The following ZNF763 variants were observed in gnomAD, a reference collection of about 807,000 sequenced individuals.
ZNF763 encodes DNA-binding protein.
ZNF763 carries 33 observed loss-of-function variants against 38.0 expected under a neutral mutation model. The observed-to-expected ratio is 0.87, with a 90% confidence interval of 0.66 to 1.16. ZNF763 has a LOEUF of 1.16. Ranked by LOEUF, ZNF763 falls within the 50% of genes most tolerant of loss-of-function variation. The pLI is 0.00. For missense variants in ZNF763, 423 were observed against 469.1 expected (o/e 0.90, Z 0.91); for synonymous variants, 155 against 160.1 (o/e 0.97, Z 0.24).
Position 11,979,084 on chromosome 19 carries a change from A to C in ZNF763, c.1160A>C (p.Asn387Thr). 6.2e-7 allele frequency: 1 copy of C among 1,614,120 alleles called. No homozygotes were observed. ...TATAAGTTTTCAAACACACCTAAGAATGCGCTCTGGAGAAAGACCTTATAA... is the reference window on the plus strand; with the variant it reads ...TATAAGTTTTCAAACACACCTAAGACTGCGCTCTGGAGAAAGACCTTATAA... ...LSYKFSNTPK[N>T]ALWRKTL The change falls in exon 4 of 4, where the codon AAT becomes ACT. Residue 387 changes from asparagine (N) to threonine (T), a missense_variant. Physicochemically the swap from Asn to Thr is moderately conservative, Grantham distance 65. Coordinates refer to ENST00000358987, the MANE Select transcript of ZNF763 (RefSeq NM_001367172.2).
At position 11,980,136 on chromosome 19, in the gene ZNF763, G is replaced by T. The variant is rs894067761; in HGVS notation, c.*1027G>T. 3.8e-6 allele frequency: 3 copies of T among 791,544 alleles called. No individual in the cohort carries two copies. The highest frequency in any genetic ancestry group is 3.5e-5 in the African/African-American group (2 of 56,762). 49.0% of individuals were successfully genotyped at this position (791,544 alleles called of 1,614,324 possible). On this transcript the variant is annotated 3_prime_UTR_variant, in exon 4 of 4. Transcript: ENST00000358987. ...CGAAAACATGGTAGGACTCACACTG[G>T]ATAGAAACCAAAGCAGGTGAATCAC... is the stretch of plus-strand genomic sequence containing the variant.
At chr19:11,966,101 C>T (rs939531575) in intron 1 of ZNF763, among the ~76,000 whole-genome samples, 1 of 152,166 alleles carries the variant, frequency 6.6e-6, no homozygotes, top group Admixed American at 6.5e-5. Context: ...TTATGAATTC[C>T]AAGGCATGAC....
chr19:11,977,519 T>A, intron 3 of ZNF763, 88 bp downstream of exon 3: 2 of 1,473,194 alleles, frequency 1.4e-6, no homozygotes, highest in Non-Finnish European at 1.9e-6. Context: ...AAGAACTAAG[T>A]CCAGTATCAA....
At chr19:11,966,840 C>G (rs940433739) in intron 1 of ZNF763, among the ~76,000 whole-genome samples, 1 of 152,062 alleles carries the variant, frequency 6.6e-6, no homozygotes, top group African/African-American at 2.4e-5. Flanking sequence ...AGAGTTTATT[C>G]AAGCAGAAAG....
Position 11,966,161 on chromosome 19 carries a change from C to G in ZNF763, c.3+950C>G, listed in dbSNP as rs7255950. Among the ~76,000 whole-genome samples, 268 of 152,256 alleles carry G rather than the reference C, an allele frequency of 1.8e-3. 2 individuals are homozygous for G. The highest frequency in any genetic ancestry group is 5.8e-3 in the African/African-American group (242 of 41,544). On this transcript the variant is annotated intron_variant, in intron 1 of 3. Coordinates refer to ENST00000358987, the MANE Select transcript of ZNF763 (RefSeq NM_001367172.2). Reference sequence around the variant, plus strand: ...GGTCTTGTTTGTAATTTGGTATCTTCTTGCCACAAGGAGTCTGTTTTTCCA... The same window carrying G: ...GGTCTTGTTTGTAATTTGGTATCTTGTTGCCACAAGGAGTCTGTTTTTCCA...
intron 1 of ZNF763, among the ~76,000 whole-genome samples, chr19:11,973,245 T>G (rs1973386982): frequency 6.6e-6 from 1 of 152,196 alleles, no homozygotes; most frequent in Admixed American, 6.5e-5. Context: ...TGATGTTCCT[T>G]CCTCTAGAGT....
Position 11,979,031 on chromosome 19 carries a change from AT to A in ZNF763, c.1108del (p.Cys370ValfsTer28). ...CCCACTCTGCGAAAAAACCTTATGA[AT>A]GTAAGCAGTGTGGGAAAGCATTATC... The part of the protein sequence containing the change: ...RTHSAKKPYE[C>X]KQCGKALSYK... On this transcript the variant is annotated frameshift_variant, in exon 4 of 4. Coordinates refer to ENST00000358987, the MANE Select transcript of ZNF763 (RefSeq NM_001367172.2). LOFTEE classifies it high-confidence loss of function. 6.2e-7 allele frequency: 1 copy of A among 1,614,210 alleles called. No homozygotes were observed.
intron 1 of ZNF763, 83 bp downstream of exon 1, chr19:11,965,294 C>T: frequency 2.5e-6 from 4 of 1,591,790 alleles, no homozygotes; most frequent in Non-Finnish European, 2.6e-6. Flanking sequence ...GGACCCGGGC[C>T]TCCCTGCGGG....
At chr19:11,974,126 T>C (rs144695707) in intron 1 of ZNF763, among the ~76,000 whole-genome samples, 2,582 of 54,518 alleles carry the variant, frequency 0.047, 38 homozygotes, top group Admixed American at 0.067. Context: ...TCTTTCTTTC[T>C]TTTCTTTCTT....
intron 3 of ZNF763, 110 bp from the exon 4 acceptor site, chr19:11,978,006 A>G: frequency 7.5e-7 from 1 of 1,340,392 alleles, no homozygotes. Flanking sequence ...CAATTCAGCC[A>G]GGGCAGAAAG....
rs550759636 is a variant in ZNF763 at position 11,969,582 on chromosome 19, A to C, written c.3+4371A>C. On this transcript the variant is annotated intron_variant, in intron 1 of 3. Coordinates refer to ENST00000358987, the MANE Select transcript of ZNF763 (RefSeq NM_001367172.2). ...CTTAGGTAGGACCTTAGGACACCTC[A>C]CACAGTTTGGCCTCATTGCTTCTTA... 2.0e-5 allele frequency among the ~76,000 whole-genome samples: 3 copies of C among 152,330 alleles called. No homozygotes were observed. The South Asian group carries it at 6.2e-4, about 32-fold the overall frequency.
Position 11,978,770 on chromosome 19 carries a change from G to A in ZNF763, c.846G>A (p.Lys282=), listed in dbSNP as rs1481430721. 6.2e-7 allele frequency: 1 copy of A among 1,614,038 alleles called. No homozygotes were observed. The highest frequency in any genetic ancestry group is 2.2e-5 in the East Asian group (1 of 44,866). The change falls in exon 4 of 4, where the codon AAG becomes AAA. Residue 282 remains lysine (K), a synonymous_variant. Transcript: ENST00000358987. ...ATAAAAGAACCCACACTGGGGGAAA[G>A]CCATATGAATGTAAACAATGTGGCA... is the stretch of plus-strand genomic sequence containing the variant. ...QAHKRTHTGG[K]PYECKQCGKS...
In ZNF763 at chr19:11,979,824, G is replaced by C; in HGVS notation, c.*715G>C. ...TGTAAGGAATGTGGGAAAGCCTTCA[G>C]ATCTGCCAAGAACCTTCGAATTCAT... On this transcript the variant is annotated 3_prime_UTR_variant, in exon 4 of 4. Transcript: ENST00000358987. 1 of 1,563,882 alleles carries C rather than the reference G, an allele frequency of 6.4e-7. No homozygotes were observed. Among genetic ancestry groups the C allele is most frequent in the Non-Finnish European group, 8.8e-7 (1 of 1,137,452 alleles).
At chr19:11,977,645 G>A (rs1043227679) in intron 3 of ZNF763, among the ~76,000 whole-genome samples, 14 of 152,132 alleles carry the variant, frequency 9.2e-5, no homozygotes, top group African/African-American at 3.4e-4. Flanking sequence ...GATAGCTTGA[G>A]GCCAGCAGTT....
Position 11,965,225 on chromosome 19 carries a change from GC to G in ZNF763, c.3+16del. 1 of 1,614,070 alleles carries G rather than the reference GC, an allele frequency of 6.2e-7. No individual in the cohort carries two copies. Among genetic ancestry groups the G allele is most frequent in the Non-Finnish European group, 8.5e-7 (1 of 1,179,958 alleles). ...AGCCAGGAAATGGTGCGTGTGCATA[GC>G]CGGTTGTCCCGAGACGGGGTAGAGG... On this transcript the variant is annotated intron_variant, in intron 1 of 3. Coordinates refer to ENST00000358987, the MANE Select transcript of ZNF763 (RefSeq NM_001367172.2).
At chr19:11,965,967 T>C (rs1283243742) in intron 1 of ZNF763, among the ~76,000 whole-genome samples, 4 of 151,914 alleles carry the variant, frequency 2.6e-5, no homozygotes, top group Non-Finnish European at 5.9e-5. Context: ...TAGGTGGCAG[T>C]TGATTGAGAG....
At chr19:11,974,040 TTTTC>T (rs140391291) in intron 1 of ZNF763, among the ~76,000 whole-genome samples, 3,609 of 150,320 alleles carry the variant, frequency 0.024, 134 homozygotes, top group African/African-American at 0.08. Context: ...TGCCTCATTG[TTTTC>T]TTTCTTTCTT....
Position 11,965,090 on chromosome 19 carries a change from CAT to C in ZNF763, c.-118_-117del. 7.4e-7 allele frequency: 1 copy of C among 1,346,942 alleles called. No individual in the cohort carries two copies. The highest frequency in any genetic ancestry group is 1.1e-6 in the Non-Finnish European group (1 of 945,096). 83.4% of individuals were successfully genotyped at this position (1,346,942 alleles called of 1,614,324 possible). On this transcript the variant is annotated 5_prime_UTR_variant, in exon 1 of 4. Coordinates refer to ENST00000358987, the MANE Select transcript of ZNF763 (RefSeq NM_001367172.2). ...GCCGGTGGTTGATATCCGCTGTATCCATCCCCGAGAGGGACCTGGTACCTCTA... is the reference window on the plus strand; with the variant it reads ...GCCGGTGGTTGATATCCGCTGTATCCCCCCGAGAGGGACCTGGTACCTCTA...
chr19:11,973,740 A>G (rs1973398437), intron 1 of ZNF763, among the ~76,000 whole-genome samples: 1 of 147,574 alleles, frequency 6.8e-6, no homozygotes, highest in Non-Finnish European at 1.5e-5. Context: ...TTTTTTAAAG[A>G]CTCACCTTGT....
Sources: allele counts gnomAD v4.1 joint callset (sites outside exome capture counted in the v4.1 genomes callset), GRCh38; gene constraint gnomAD v4.1.1; transcripts MANE v1.5; gene names NCBI Gene and HGNC (gene_info 2026-07-23, HGNC 2026-07-21).